PPARGC1A: variants seen among roughly 807,000 people sequenced by gnomAD.
The protein encoded by PPARGC1A is PPARG coactivator 1 alpha.
Under a neutral mutation model 88.7 loss-of-function variants are expected in PPARGC1A, and 25 were observed. The ratio of observed to expected loss-of-function variants is 0.28; its 90% confidence interval spans 0.21 to 0.39. The LOEUF (loss-of-function observed/expected upper bound fraction) is 0.39, where lower values mean the gene tolerates loss of function less well. Among genes scored for constraint, PPARGC1A ranks in the 10% least tolerant of loss-of-function variants. The pLI is 1.00. For missense variants in PPARGC1A, 880 were observed against 968.7 expected (o/e 0.91, Z 1.22); for synonymous variants, 363 against 355.6 (o/e 1.02, Z -0.24).
the PPARGC1A span, among the ~76,000 whole-genome samples, chr4:24,437,431 G>A: frequency 6.6e-6 from 1 of 152,288 alleles, no homozygotes; most frequent in East Asian, 1.9e-4. Flanking sequence ...TCCTAGGGCT[G>A]CCATAGGCTT....
chr4:24,300,535 A>T, the PPARGC1A span, among the ~76,000 whole-genome samples: 4 of 151,758 alleles, frequency 2.6e-5, no homozygotes, highest in African/African-American at 9.7e-5. Flanking sequence ...ACTTAGATAA[A>T]CTTTTTCACC....
the PPARGC1A span, among the ~76,000 whole-genome samples, chr4:24,089,734 G>C: frequency 6.6e-6 from 1 of 151,774 alleles, no homozygotes; most frequent in African/African-American, 2.4e-5. Context: ...GGATGGTCTC[G>C]ATCTCCTGAC....
intron 10 of PPARGC1A, among the ~76,000 whole-genome samples, chr4:23,806,621 C>G (rs551551467): frequency 3.2e-4 from 49 of 152,210 alleles, no homozygotes; most frequent in Admixed American, 2.8e-3. Flanking sequence ...AAAGCTAGTA[C>G]GCTGATGGGG....
the PPARGC1A span, among the ~76,000 whole-genome samples, chr4:24,159,321 C>T: frequency 2.0e-5 from 3 of 150,460 alleles, no homozygotes; most frequent in Non-Finnish European, 1.5e-5. Context: ...AGCAGTTCTC[C>T]TCCCTCGGCC....
chr4:23,840,649 A>G (rs924145704), intron 2 of PPARGC1A, among the ~76,000 whole-genome samples: 6 of 152,122 alleles, frequency 3.9e-5, no homozygotes, highest in Non-Finnish European at 7.4e-5. Flanking sequence ...AACTATCTAA[A>G]AGGGGAGGTC....
At chr4:23,844,349 A>G (rs1577478391) in intron 2 of PPARGC1A, among the ~76,000 whole-genome samples, 1 of 138,262 alleles carries the variant, frequency 7.2e-6, no homozygotes, top group Non-Finnish European at 1.5e-5. Flanking sequence ...ATATATTATA[A>G]TATAATAATC....
chr4:23,877,304 C>G (rs1361842474), intron 2 of PPARGC1A, among the ~76,000 whole-genome samples: 1 of 134,184 alleles, frequency 7.5e-6, no homozygotes, highest in Admixed American at 9.1e-5. Context: ...ATCACGAGGT[C>G]AGGAGATTGA....
chr4:23,976,986 G>A, the PPARGC1A span, among the ~76,000 whole-genome samples: 1 of 151,826 alleles, frequency 6.6e-6, no homozygotes, highest in Non-Finnish European at 1.5e-5. Context: ...AGAAGGAGGA[G>A]GAAGAGGGAG....
At chr4:24,122,525 T>C in the PPARGC1A span, among the ~76,000 whole-genome samples, 1 of 152,022 alleles carries the variant, frequency 6.6e-6, no homozygotes, top group African/African-American at 2.4e-5. Context: ...CACTTTATTT[T>C]AACTCATCCC....
chr4:24,224,779 A>C, the PPARGC1A span, among the ~76,000 whole-genome samples: 1 of 152,210 alleles, frequency 6.6e-6, no homozygotes, highest in Non-Finnish European at 1.5e-5. Context: ...GAAGTGCAAG[A>C]GTTCAGGGAG....
the PPARGC1A span, among the ~76,000 whole-genome samples, chr4:24,070,611 G>A: frequency 6.6e-6 from 1 of 152,204 alleles, no homozygotes; most frequent in East Asian, 1.9e-4. Flanking sequence ...ATCTCTAGAT[G>A]AATTCTAGAA....
the PPARGC1A span, among the ~76,000 whole-genome samples, chr4:24,146,441 G>A: frequency 6.6e-6 from 1 of 152,212 alleles, no homozygotes; most frequent in Non-Finnish European, 1.5e-5. Context: ...CAAAACTCTG[G>A]ATGAGTGTCC....
At chr4:24,408,351 G>T in the PPARGC1A span, among the ~76,000 whole-genome samples, 1 of 147,334 alleles carries the variant, frequency 6.8e-6, no homozygotes, top group South Asian at 2.2e-4. Flanking sequence ...TTTTGATACT[G>T]CTTTGAAAAA....
chr4:24,112,365 G>T, the PPARGC1A span, among the ~76,000 whole-genome samples: 1 of 152,250 alleles, frequency 6.6e-6, no homozygotes, highest in South Asian at 2.1e-4. Flanking sequence ...AGAAAAGCCA[G>T]AAATCTGAAA....
chr4:24,214,587 TG>T, the PPARGC1A span, among the ~76,000 whole-genome samples: 1 of 152,128 alleles, frequency 6.6e-6, no homozygotes, highest in Admixed American at 6.5e-5. Context: ...TCCACAGTGG[TG>T]GAGACAAAGA....
At chr4:24,440,972 G>C in the PPARGC1A span, among the ~76,000 whole-genome samples, 1 of 152,060 alleles carries the variant, frequency 6.6e-6, no homozygotes, top group African/African-American at 2.4e-5. Flanking sequence ...AACGATTGAC[G>C]GAGAAGCAGC....
the PPARGC1A span, among the ~76,000 whole-genome samples, chr4:24,213,829 A>T: frequency 6.6e-6 from 1 of 152,318 alleles, no homozygotes. Flanking sequence ...AGCTCAGGTA[A>T]TTTAGGAAAT....
At chr4:24,323,862 C>T in the PPARGC1A span, among the ~76,000 whole-genome samples, 9 of 152,218 alleles carry the variant, frequency 5.9e-5, no homozygotes, top group South Asian at 6.2e-4. Context: ...ATTTCAAATC[C>T]GGTAAGCGGC....
the PPARGC1A span, among the ~76,000 whole-genome samples, chr4:24,077,140 A>C: frequency 6.6e-6 from 1 of 152,084 alleles, no homozygotes; most frequent in Non-Finnish European, 1.5e-5. Context: ...CTCTCCAGGC[A>C]TTCTGCACAG....
Sources: gnomAD v4.1 joint callset for allele counts (sites outside exome capture counted in the v4.1 genomes callset) on GRCh38, gnomAD v4.1.1 for gene constraint, MANE v1.5 for transcripts, NCBI Gene and HGNC (gene_info 2026-07-23, HGNC 2026-07-21) for gene names.